The following PLK5 variants were observed in gnomAD, a reference collection of about 807,000 sequenced individuals.
PLK5 encodes the protein polo like kinase 5 (inactive), also known as inactive serine/threonine-protein kinase PLK5.
PLK5 carries 28 observed loss-of-function variants against 33.7 expected under a neutral mutation model. That is an observed-to-expected ratio of 0.83 (90% CI 0.62 to 1.14). The LOEUF (loss-of-function observed/expected upper bound fraction) is 1.14, where lower values mean the gene tolerates loss of function less well. Ranked by LOEUF, PLK5 falls within the 50% of genes most tolerant of loss-of-function variation. The pLI is 0.00. For synonymous variants in PLK5, 225 were observed against 202.2 expected, an observed-to-expected ratio of 1.11 and a Z score of -0.96; for missense variants, 492 against 461.5, an observed-to-expected ratio of 1.07 and a Z score of -0.61.
At chr19:1,528,870 C>T in intron 8 of PLK5, 28 bp from the exon 9 acceptor site, 1 of 1,478,562 alleles carries the variant, frequency 6.8e-7, no homozygotes, top group Non-Finnish European at 8.9e-7. Context: ...CAGGCTGTGC[C>T]CCCTCCAAGG....
In PLK5 at chr19:1,529,811, T is replaced by G; in HGVS notation, c.555T>G (p.Asp185Glu). ...AALRHLQLCLDVGPPATQDPL... is the reference protein window; with the variant it reads ...AALRHLQLCLEVGPPATQDPL... ...TCAGACACCTGCAGCTGTGCCTGGATGTAGGCCCCCCGGGTAGGAGCCGGC... is the reference window on the plus strand; with the variant it reads ...TCAGACACCTGCAGCTGTGCCTGGAGGTAGGCCCCCCGGGTAGGAGCCGGC... Residue 185 changes from aspartate (D) to glutamate (E), a missense_variant, in exon 11 of 14, where the codon GAT becomes GAG. Transcript: ENST00000454744. 1 of 1,535,826 alleles carries G rather than the reference T, an allele frequency of 6.5e-7. No individual in the cohort carries two copies. The highest frequency in any genetic ancestry group is 8.7e-7 in the Non-Finnish European group (1 of 1,146,826).
intron 8 of PLK5, 108 bp from the exon 9 acceptor site, chr19:1,528,790 T>G: frequency 1.1e-6 from 1 of 944,332 alleles, no homozygotes; most frequent in East Asian, 2.8e-5. Context: ...AACTGCCACC[T>G]GCTCCGCTCT....
rs1022828901 is a variant in PLK5, at chr19:1,527,941, C to T, written c.8C>T (p.Thr3Met). 4.2e-5 allele frequency: 64 copies of T among 1,533,828 alleles called. No homozygotes were observed. The East Asian group carries it at 6.6e-4, about 16-fold the overall frequency. Residue 3 changes from threonine (T) to methionine (M), a missense_variant, in exon 7 of 14, where the codon ACG becomes ATG. Thr to Met is a moderately conservative substitution (Grantham distance 81). Transcript: ENST00000454744. ...TTGCCCCCCACCTGGCCCAGGTACACGGTGCTGACTGGCACCCCACCCTTC... is the reference window on the plus strand; with the variant it reads ...TTGCCCCCCACCTGGCCCAGGTACATGGTGCTGACTGGCACCCCACCCTTC... MYTVLTGTPPFMA... is the reference protein window; with the variant it reads MYMVLTGTPPFMA...
Position 1,530,604 on chromosome 19 carries a change from A to ATTTT in PLK5, c.568+810_568+813dup, listed in dbSNP as rs759461067. Among the ~76,000 whole-genome samples the ATTTT allele has an allele frequency of 8.8e-4, 32 of 36,550 alleles. 1 individual carries two copies. Among genetic ancestry groups the ATTTT allele is most frequent in the African/African-American group, 1.1e-3 (9 of 8,486 alleles). The allele number at this position is 36,550 out of a possible 152,430, so 24.0% of individuals were successfully genotyped here. Reference sequence around the variant, plus strand: ...GTCGTCAGCCACCACGCCTGGGCGCATTTTTTTTTTTTTTTTTTTTTTTTT... The same window carrying ATTTT: ...GTCGTCAGCCACCACGCCTGGGCGCATTTTTTTTTTTTTTTTTTTTTTTTTTTTT... On this transcript the variant is annotated intron_variant, in intron 11 of 13. Coordinates refer to ENST00000454744, the MANE Select transcript of PLK5 (RefSeq NM_001243079.2).
intron 7 of PLK5, 41 bp downstream of exon 7, chr19:1,528,175 C>T (rs1249502642): frequency 2.6e-6 from 4 of 1,529,420 alleles, no homozygotes; most frequent in Non-Finnish European, 3.5e-6. Flanking sequence ...GGCGTGGGGT[C>T]CCTGGCAGGT....
rs757673558 is a variant in PLK5 at position 1,534,088 on chromosome 19, G to A, written c.825+47G>A. On this transcript the variant is annotated intron_variant, in intron 13 of 13. Transcript: ENST00000454744. ...GGGGCACTGGGGCTCGGCAGGGTGG[G>A]GTCTGGCCTGCCTGGGCTGTTACGG... 8 of 1,439,328 alleles carry A rather than the reference G, an allele frequency of 5.6e-6. No homozygotes were observed. The African/African-American group carries it at 5.7e-5, about 10-fold the overall frequency. 89.2% of individuals were successfully genotyped at this position (1,439,328 alleles called of 1,614,324 possible). A position where few individuals can be genotyped will look rare whatever the true frequency, so the allele number is the denominator to read the frequency against.
intron 11 of PLK5, 103 bp downstream of exon 11, chr19:1,529,927 G>T: frequency 8.2e-7 from 1 of 1,221,562 alleles, no homozygotes; most frequent in Admixed American, 2.4e-5. Flanking sequence ...TGGGGGTGAG[G>T]AGTAGGGGTG....
Position 1,526,907 on chromosome 19 carries a change from C to T in PLK5, c.-90C>T. ...CCCCCATGACGCCCTTCCTAGAGTA[C>T]TCTGTGGGACCCCTAACTTCCTGGA... On this transcript the variant is annotated 5_prime_UTR_variant, in exon 6 of 14. Coordinates refer to ENST00000454744, the MANE Select transcript of PLK5 (RefSeq NM_001243079.2). The T allele has an allele frequency of 6.8e-7, 1 of 1,465,250 alleles. No individual in the cohort carries two copies. Among genetic ancestry groups the T allele is most frequent in the Non-Finnish European group, 9.2e-7 (1 of 1,082,926 alleles). The allele number at this position is 1,465,250 out of a possible 1,614,324, so 90.8% of individuals were successfully genotyped here.
intron 12 of PLK5, 118 bp from the exon 13 acceptor site, chr19:1,533,813 C>T (rs1914002610): frequency 1.9e-5 from 15 of 796,250 alleles, no homozygotes; most frequent in Non-Finnish European, 4.0e-6. Context: ...CGTGCTGCAG[C>T]TCTTTGCCGG....
In PLK5 at chr19:1,535,080, G is replaced by A. The variant is rs1568255941; in HGVS notation, c.841G>A (p.Val281Ile). 1 of 1,531,948 alleles carries A rather than the reference G, an allele frequency of 6.5e-7. No homozygotes were observed. Among genetic ancestry groups the A allele is most frequent in the Non-Finnish European group, 8.7e-7 (1 of 1,145,198 alleles). The allele number at this position is 1,531,948 out of a possible 1,614,324, so 94.9% of individuals were successfully genotyped here. A position where few individuals can be genotyped will look rare whatever the true frequency, so the allele number is the denominator to read the frequency against. Residue 281 changes from valine to isoleucine, a missense_variant, in exon 14 of 14, where the codon GTC becomes ATC. Physicochemically the swap from Val to Ile is conservative, Grantham distance 29. Coordinates refer to ENST00000454744, the MANE Select transcript of PLK5 (RefSeq NM_001243079.2). Reference sequence around the variant, plus strand: ...CCCTTTGCAGGTGAGCTTCAGTGGAGTCCCGGCCCAACTGGTGCTGAGTGG... The same window carrying A: ...CCCTTTGCAGGTGAGCTTCAGTGGAATCCCGGCCCAACTGGTGCTGAGTGG... ...NGMVQVSFSG[V>I]PAQLVLSGEG...
At position 1,527,617 on chromosome 19, in the gene PLK5, G is replaced by A. The variant is rs563387772; in HGVS notation, c.3-319G>A. ...ACCCTGTCTTTAAAAAAAAAAAATAGAAGCATTGAAAAGGTGTATGCAGGT... is the reference window on the plus strand; with the variant it reads ...ACCCTGTCTTTAAAAAAAAAAAATAAAAGCATTGAAAAGGTGTATGCAGGT... On this transcript the variant is annotated intron_variant, in intron 6 of 13. Transcript: ENST00000454744. Among the ~76,000 whole-genome samples the A allele has an allele frequency of 1.1e-4, 17 of 150,834 alleles. No individual in the cohort carries two copies. In the East Asian group the frequency reaches 3.4e-3, roughly 30 times the overall value.
At position 1,524,581 on chromosome 19, in the gene PLK5, C is replaced by T. The variant is rs1474250033; in HGVS notation, c.-544+335C>T. Among the ~76,000 whole-genome samples the T allele has an allele frequency of 6.6e-6, 1 of 151,136 alleles. No homozygotes were observed. The highest frequency in any genetic ancestry group is 1.5e-5 in the Non-Finnish European group (1 of 67,806). On this transcript the variant is annotated intron_variant, in intron 1 of 13. Transcript: ENST00000454744. The surrounding 1 kb of genome is among the most constrained non-coding windows in gnomAD (Gnocchi z 4.5). ...GTCTGTGCCCGCTGCTTCCAAGTGT[C>T]TGGGTGCTGTGCGGTGTTCGTGTGT...
rs957852728 is a variant in PLK5, at chr19:1,534,094, G to A, written c.825+53G>A. On this transcript the variant is annotated intron_variant, in intron 13 of 13. Transcript: ENST00000454744. ...CTGGGGCTCGGCAGGGTGGGGTCTG[G>A]CCTGCCTGGGCTGTTACGGAGCAAG... 4 of 1,374,334 alleles carry A rather than the reference G, an allele frequency of 2.9e-6. 1 individual carries two copies. In the South Asian group the frequency reaches 3.7e-5, roughly 13 times the overall value. The allele number at this position is 1,374,334 out of a possible 1,614,324, so 85.1% of individuals were successfully genotyped here.
chr19:1,535,272 A>G lies in PLK5; in HGVS notation c.*22A>G. 1 of 1,527,992 alleles carries G rather than the reference A, an allele frequency of 6.5e-7. No individual in the cohort carries two copies. Among genetic ancestry groups the G allele is most frequent in the East Asian group, 2.5e-5 (1 of 40,518 alleles). 94.7% of individuals were successfully genotyped at this position (1,527,992 alleles called of 1,614,324 possible). A position where few individuals can be genotyped will look rare whatever the true frequency, so the allele number is the denominator to read the frequency against. The stretch of plus-strand genomic sequence containing the variant: ...CTAGTGCCCCTGAGGGTCAGAGTGG[A>G]CCCCTGCATGGTAGTGCCAGGGACC... On this transcript the variant is annotated 3_prime_UTR_variant, in exon 14 of 14. Coordinates refer to ENST00000454744, the MANE Select transcript of PLK5 (RefSeq NM_001243079.2).
At chr19:1,527,837 G>C (rs1198160205) in intron 6 of PLK5, 99 bp from the exon 7 acceptor site, 1 of 1,226,702 alleles carries the variant, frequency 8.2e-7, no homozygotes, top group Non-Finnish European at 1.1e-6. Context: ...GCCGATATGG[G>C]TTGCACAGCT....
At chr19:1,531,203 G>A (rs1198558026) in intron 11 of PLK5, among the ~76,000 whole-genome samples, 1 of 151,908 alleles carries the variant, frequency 6.6e-6, no homozygotes, top group East Asian at 2.0e-4. Context: ...AAGGTCAGGA[G>A]ATCGAAACCA....
At chr19:1,529,636 T>A in intron 10 of PLK5, 111 bp from the exon 11 acceptor site, 1 of 1,411,610 alleles carries the variant, frequency 7.1e-7, no homozygotes. Context: ...ATGCCGCCTC[T>A]GGGTTGAGGA....
intron 12 of PLK5, 147 bp from the exon 13 acceptor site, chr19:1,533,784 T>G (rs1914001149): frequency 1.5e-6 from 1 of 655,638 alleles, no homozygotes; most frequent in Admixed American, 2.6e-5. Context: ...GTGCCCGGCC[T>G]GCTGGGCGCC....
intron 6 of PLK5, 67 bp from the exon 7 acceptor site, chr19:1,527,869 C>A: frequency 1.4e-6 from 2 of 1,458,022 alleles, no homozygotes; most frequent in Non-Finnish European, 1.8e-6. Flanking sequence ...GCAGGTCTGG[C>A]CAAGTGTGCA....
Sources: gnomAD v4.1 joint callset for allele counts (sites outside exome capture counted in the v4.1 genomes callset) on GRCh38, gnomAD v4.1.1 for gene constraint, Gnocchi (gnomAD v3.1) non-coding constraint, MANE v1.5 for transcripts, NCBI Gene and HGNC (gene_info 2026-07-23, HGNC 2026-07-21) for gene names.